NR2F1-AS1: variants seen among roughly 807,000 people sequenced by gnomAD.
NR2F1-AS1 encodes the protein NR2F1 antisense RNA 1.
intron 4 of NR2F1-AS1, among the ~76,000 whole-genome samples, chr5:93,423,879 C>T (rs766622769): frequency 2.0e-5 from 3 of 152,094 alleles, no homozygotes; most frequent in African/African-American, 2.4e-5. Flanking sequence ...GTAAAATTAT[C>T]GTCTCTTAGG....
At chr5:93,440,887 G>T (rs1044752815) in intron 4 of NR2F1-AS1, among the ~76,000 whole-genome samples, 3 of 151,946 alleles carry the variant, frequency 2.0e-5, no homozygotes, top group African/African-American at 4.8e-5. Flanking sequence ...TCTTACAACT[G>T]GAAAGGCCTG....
chr5:93,499,455 T>G (rs1751032091), intron 4 of NR2F1-AS1, among the ~76,000 whole-genome samples: 1 of 152,158 alleles, frequency 6.6e-6, no homozygotes, highest in Admixed American at 6.6e-5. Context: ...TATTACTGTA[T>G]CTGGTATGGT....
upstream of NR2F1-AS1, chr5:93,585,071 C>G: frequency 9.7e-7 from 1 of 1,030,558 alleles, no homozygotes; most frequent in Non-Finnish European, 1.2e-6. Flanking sequence ...ACGACGTGGC[C>G]GGGGGCAACC....
chr5:93,538,849 C>T (rs186681864), intron 4 of NR2F1-AS1, among the ~76,000 whole-genome samples: 51 of 152,238 alleles, frequency 3.4e-4, no homozygotes, highest in African/African-American at 1.2e-3. Flanking sequence ...GGAACTGCCC[C>T]TTGTTTCTAT....
In NR2F1-AS1 at chr5:93,579,968, C is replaced by T. The variant is rs368139532; in HGVS notation, n.313+499G>A. ...AGGGGATGGCGTTACAAACGGCGTC[C>T]GCAGGTGGGCGGCTGCAGCCAAGCT... On this transcript the variant is annotated intron_variant and non_coding_transcript_variant, in intron 1 of 5. Coordinates refer to ENST00000660523, the Ensembl canonical transcript of NR2F1-AS1. The surrounding 1 kb of genome is among the most constrained non-coding windows in gnomAD (Gnocchi z 5.1). 6.6e-5 allele frequency among the ~76,000 whole-genome samples: 10 copies of T among 152,348 alleles called. No homozygotes were observed. The East Asian group carries it at 9.7e-4, about 15-fold the overall frequency.
At chr5:93,485,236 C>T (rs543070891) in intron 4 of NR2F1-AS1, among the ~76,000 whole-genome samples, 3 of 152,056 alleles carry the variant, frequency 2.0e-5, no homozygotes, top group South Asian at 4.1e-4. Context: ...ACAGCAAATG[C>T]AAAAAAGTAG....
chr5:93,453,017 T>C (rs1032277119), intron 4 of NR2F1-AS1, among the ~76,000 whole-genome samples: 1 of 150,828 alleles, frequency 6.6e-6, no homozygotes, highest in Non-Finnish European at 1.5e-5. Context: ...AAGAAATAAA[T>C]AGAATGACAA....
chr5:93,413,063 GGTGTGT>G (rs71613591), intron 4 of NR2F1-AS1, among the ~76,000 whole-genome samples: 10,015 of 139,178 alleles, frequency 0.072, 436 homozygotes, highest in African/African-American at 0.11. Context: ...ATAGCACTAT[GGTGTGT>G]GTGTGTGTGT....
chr5:93,496,212 A>T (rs1750957336), intron 4 of NR2F1-AS1: 1 of 152,168 alleles, frequency 6.6e-6, no homozygotes, highest in South Asian at 2.1e-4. Context: ...CATTTCATCT[A>T]CCTTTGTCTG....
chr5:93,566,626 A>C (rs954199428), intron 1 of NR2F1-AS1, among the ~76,000 whole-genome samples: 1 of 149,646 alleles, frequency 6.7e-6, no homozygotes, highest in Non-Finnish European at 1.5e-5. Context: ...CTACAGAGGA[A>C]TTTTTTTTAA....
chr5:93,548,004 C>T (rs938142025), intron 4 of NR2F1-AS1, among the ~76,000 whole-genome samples: 2 of 152,084 alleles, frequency 1.3e-5, no homozygotes, highest in Non-Finnish European at 2.9e-5. Flanking sequence ...AAATAAAAAT[C>T]GTGGAACGTA....
chr5:93,483,812 A>G (rs960559048), intron 4 of NR2F1-AS1, among the ~76,000 whole-genome samples: 2 of 152,206 alleles, frequency 1.3e-5, no homozygotes, highest in African/African-American at 2.4e-5. Context: ...TTACACAATT[A>G]TCAATAGCCA....
chr5:93,435,408 T>A (rs1037121295), intron 4 of NR2F1-AS1, among the ~76,000 whole-genome samples: 6 of 152,224 alleles, frequency 3.9e-5, no homozygotes, highest in Non-Finnish European at 5.9e-5. Context: ...TTATTTGTTT[T>A]CTGATTTATT....
At chr5:93,519,449 C>T (rs932762661) in intron 4 of NR2F1-AS1, among the ~76,000 whole-genome samples, 6 of 151,992 alleles carry the variant, frequency 3.9e-5, no homozygotes, top group Non-Finnish European at 8.8e-5. Context: ...TATTCACATA[C>T]GTGGGAATAT....
intron 4 of NR2F1-AS1, among the ~76,000 whole-genome samples, chr5:93,529,188 G>C (rs1751683736): frequency 6.6e-6 from 1 of 152,096 alleles, no homozygotes; most frequent in Non-Finnish European, 1.5e-5. Context: ...ATGACAGTTG[G>C]TAAAGCTGCT....
chr5:93,479,788 G>T (rs1268986288), intron 4 of NR2F1-AS1, among the ~76,000 whole-genome samples: 2 of 151,850 alleles, frequency 1.3e-5, no homozygotes, highest in African/African-American at 4.8e-5. Context: ...ATAAGTAAAT[G>T]ACATTAGGCA....
chr5:93,444,652 G>A (rs1468216344), intron 4 of NR2F1-AS1, among the ~76,000 whole-genome samples: 1 of 152,138 alleles, frequency 6.6e-6, no homozygotes, highest in Non-Finnish European at 1.5e-5. Flanking sequence ...GAGACAGAAA[G>A]TTAACAAGGA....
chr5:93,410,941 A>G (rs1248676700), intron 4 of NR2F1-AS1: 1 of 152,190 alleles, frequency 6.6e-6, no homozygotes, highest in African/African-American at 2.4e-5. Flanking sequence ...AAGGATTAAA[A>G]TGTCCTGAGT....
intron 4 of NR2F1-AS1, among the ~76,000 whole-genome samples, chr5:93,435,614 G>C (rs1749417195): frequency 6.6e-6 from 1 of 152,064 alleles, no homozygotes; most frequent in African/African-American, 2.4e-5. Flanking sequence ...CCTGCAGTAG[G>C]GCTTGGCACC....
Sources: allele counts gnomAD v4.1 joint callset (sites outside exome capture counted in the v4.1 genomes callset), GRCh38; gene constraint gnomAD v4.1.1; non-coding constraint Gnocchi (gnomAD v3.1); transcripts MANE v1.5; gene names NCBI Gene and HGNC (gene_info 2026-07-23, HGNC 2026-07-21).